The following PLCB4 variants were observed in gnomAD, a reference collection of about 807,000 sequenced individuals.
The protein encoded by PLCB4 is 1-phosphatidylinositol 4,5-bisphosphate phosphodiesterase beta-4.
A neutral mutation model predicts 178.8 loss-of-function variants in PLCB4; 77 were observed. The observed-to-expected ratio is 0.43, with a 90% confidence interval of 0.36 to 0.52. The LOEUF (loss-of-function observed/expected upper bound fraction) is 0.52. PLCB4 is among the 20% of genes least tolerant of loss of function. PLCB4 has a pLI of 0.00. For synonymous variants in PLCB4, 496 were observed against 490.8 expected (o/e 1.01, Z -0.14); for missense variants, 1,024 against 1,453.4 (o/e 0.70, Z 4.80).
At chr20:9,289,289 A>C (rs1055373892) in intron 3 of PLCB4, among the ~76,000 whole-genome samples, 1 of 152,130 alleles carries the variant, frequency 6.6e-6, no homozygotes, top group Non-Finnish European at 1.5e-5. Context: ...TCATGGCCTA[A>C]GTGGCTAGAT....
intron 4 of PLCB4, among the ~76,000 whole-genome samples, chr20:9,314,871 A>ATTTTTTT (rs1568571866): frequency 6.7e-6 from 1 of 149,784 alleles, no homozygotes; most frequent in African/African-American, 2.5e-5. Context: ...AGGGTAGAGG[A>ATTTTTTT]ATTTTTTTTT....
chr20:9,169,316 C>T (rs1473338861), intron 2 of PLCB4, among the ~76,000 whole-genome samples: 1 of 151,690 alleles, frequency 6.6e-6, no homozygotes, highest in African/African-American at 2.4e-5. Flanking sequence ...TCAATGTAAA[C>T]ACTTTGCCAG....
chr20:9,317,369 A>T (rs2094910431), intron 4 of PLCB4, among the ~76,000 whole-genome samples: 1 of 152,084 alleles, frequency 6.6e-6, no homozygotes, highest in Non-Finnish European at 1.5e-5. Flanking sequence ...TTTCTTTTCT[A>T]AGATGCTCTC....
At chr20:9,458,447 A>C (rs2043188702) in intron 34 of PLCB4, among the ~76,000 whole-genome samples, 2 of 152,228 alleles carry the variant, frequency 1.3e-5, no homozygotes, top group African/African-American at 4.8e-5. Context: ...TTTGCTATAT[A>C]ATGAACTGTG....
intron 2 of PLCB4, among the ~76,000 whole-genome samples, chr20:9,105,084 A>C (rs1475057776): frequency 1.3e-5 from 2 of 152,144 alleles, no homozygotes; most frequent in African/African-American, 4.8e-5. Context: ...AAATTAACAG[A>C]GTATGTTTAG....
chr20:9,368,694 G>A (rs902697528), intron 9 of PLCB4, among the ~76,000 whole-genome samples: 4 of 152,172 alleles, frequency 2.6e-5, no homozygotes, highest in Non-Finnish European at 4.4e-5. Flanking sequence ...TAAAACCATC[G>A]TGTAGATTGC....
chr20:9,131,707 T>A (rs1180324558), intron 2 of PLCB4, among the ~76,000 whole-genome samples: 1 of 152,220 alleles, frequency 6.6e-6, no homozygotes, highest in Non-Finnish European at 1.5e-5. Context: ...TTACATTTGG[T>A]GACCCTGCTG....
chr20:9,176,309 T>G (rs113222220), intron 2 of PLCB4, among the ~76,000 whole-genome samples: 5 of 152,350 alleles, frequency 3.3e-5, no homozygotes, highest in African/African-American at 1.2e-4. Context: ...TATGAACATT[T>G]GTGTACAAAT....
chr20:9,190,221 G>A (rs2093383753), intron 2 of PLCB4, among the ~76,000 whole-genome samples: 1 of 152,254 alleles, frequency 6.6e-6, no homozygotes, highest in Non-Finnish European at 1.5e-5. Flanking sequence ...GCTGGCTGGC[G>A]ATATGGTTTG....
chr20:9,346,408 T>A (rs1253034897), intron 7 of PLCB4, among the ~76,000 whole-genome samples: 1 of 152,226 alleles, frequency 6.6e-6, no homozygotes, highest in Non-Finnish European at 1.5e-5. Context: ...TCAACTGAGC[T>A]GATGCCTGCT....
In PLCB4 at chr20:9,155,073, T is replaced by C. The variant is rs184466984; in HGVS notation, c.-79+58731T>C. On this transcript the variant is annotated intron_variant, in intron 2 of 39. Coordinates refer to ENST00000378473, the MANE Select transcript of PLCB4 (RefSeq NM_001377142.1). ...CACAAGCAGTGTACATTGTACTTAA[T>C]AGGTAGTTTTTTGCCCCTGGCCCCC... is the stretch of plus-strand genomic sequence containing the variant. Among the ~76,000 whole-genome samples, 34 of 151,804 alleles carry C rather than the reference T, an allele frequency of 2.2e-4. No homozygotes were observed. The East Asian group carries it at 5.9e-3, about 26-fold the overall frequency.
At chr20:9,175,132 G>A (rs1018481355) in intron 2 of PLCB4, among the ~76,000 whole-genome samples, 2 of 152,186 alleles carry the variant, frequency 1.3e-5, no homozygotes, top group African/African-American at 4.8e-5. Flanking sequence ...TGCTGGAAAT[G>A]CACGTTGTCA....
intron 2 of PLCB4, among the ~76,000 whole-genome samples, chr20:9,143,827 G>T (rs1209678443): frequency 6.6e-6 from 1 of 152,112 alleles, no homozygotes; most frequent in African/African-American, 2.4e-5. Flanking sequence ...CTTGTGCTTT[G>T]TGGGAATCCT....
chr20:9,286,972 A>T (rs1182349667), intron 3 of PLCB4, among the ~76,000 whole-genome samples: 4 of 152,034 alleles, frequency 2.6e-5, no homozygotes, highest in African/African-American at 7.2e-5. Flanking sequence ...TACCATATTT[A>T]TGAGTGATGT....
chr20:9,080,201 C>A (rs574855227), intron 1 of PLCB4, among the ~76,000 whole-genome samples: 13 of 152,136 alleles, frequency 8.5e-5, no homozygotes, highest in Non-Finnish European at 1.8e-4. Flanking sequence ...CAGCAAGACT[C>A]TGAAATTTCA....
chr20:9,130,440 A>G (rs1389332883), intron 2 of PLCB4, among the ~76,000 whole-genome samples: 2 of 152,208 alleles, frequency 1.3e-5, no homozygotes, highest in Non-Finnish European at 2.9e-5. Context: ...TAAAAGATAA[A>G]TTACTCTAAT....
At chr20:9,095,125 T>A (rs909252912) in intron 1 of PLCB4, among the ~76,000 whole-genome samples, 1 of 152,176 alleles carries the variant, frequency 6.6e-6, no homozygotes, top group Admixed American at 6.5e-5. Context: ...GGAACTCATT[T>A]TGGCTATTTG....
intron 35 of PLCB4, among the ~76,000 whole-genome samples, chr20:9,460,513 T>A (rs1434867882): frequency 2.6e-5 from 4 of 152,252 alleles, no homozygotes; most frequent in African/African-American, 9.6e-5. Context: ...CAGTTTATTT[T>A]GGCCTGTGCC....
At chr20:9,438,557 A>C (rs906589106) in intron 30 of PLCB4, among the ~76,000 whole-genome samples, 8 of 152,082 alleles carry the variant, frequency 5.3e-5, no homozygotes, top group African/African-American at 1.9e-4. Flanking sequence ...TCTGTATATC[A>C]CTGAGGACAA....
Sources: gnomAD v4.1 joint callset for allele counts (sites outside exome capture counted in the v4.1 genomes callset) on GRCh38, gnomAD v4.1.1 for gene constraint, MANE v1.5 for transcripts, NCBI Gene and HGNC (gene_info 2026-07-23, HGNC 2026-07-21) for gene names.